Variants in KCTD14 observed in about 807,000 individuals in gnomAD.
KCTD14 encodes the protein BTB/POZ domain-containing protein KCTD14.
KCTD14 carries 7 observed loss-of-function variants against 5.9 expected under a neutral mutation model. The ratio of observed to expected loss-of-function variants is 1.19; its 90% confidence interval spans 0.68 to 2.23. The LOEUF is 2.23. Among genes scored for constraint, KCTD14 ranks in the 30% most tolerant of loss-of-function variants. KCTD14 has a pLI of 0.00. For missense variants in KCTD14, 342 were observed against 332.2 expected (o/e 1.03, Z -0.23); for synonymous variants, 140 against 133.1 (o/e 1.05, Z -0.36).
chr11:78,030,174 C>T (rs1005274774), intron 2 of KCTD14, among the ~76,000 whole-genome samples: 4 of 152,084 alleles, frequency 2.6e-5, no homozygotes, highest in African/African-American at 9.7e-5. Flanking sequence ...TTTTTCCCCC[C>T]CTCCAATTGC....
chr11:78,034,519 T>G (rs1857732328), intron 2 of KCTD14, among the ~76,000 whole-genome samples: 2 of 151,804 alleles, frequency 1.3e-5, no homozygotes, highest in South Asian at 2.1e-4. Context: ...ACACTCTGTA[T>G]GGGTGTTTCT....
upstream of KCTD14, among the ~76,000 whole-genome samples, chr11:78,028,050 C>G: frequency 6.6e-6 from 1 of 151,986 alleles, no homozygotes; most frequent in Non-Finnish European, 1.5e-5. Context: ...TTTGGAATGC[C>G]CTTGGCCAGA....
chr11:78,024,396 AAAT>A (rs1182670565), upstream of KCTD14, among the ~76,000 whole-genome samples: 14 of 99,918 alleles, frequency 1.4e-4, no homozygotes, highest in South Asian at 1.0e-3. Context: ...AAAAAAAAAA[AAAT>A]ATATATATAT....
At chr11:78,021,398 C>A (rs1198856410) in intron 1 of KCTD14, among the ~76,000 whole-genome samples, 1 of 146,706 alleles carries the variant, frequency 6.8e-6, no homozygotes, top group Non-Finnish European at 1.5e-5. Flanking sequence ...TCCTAAGCTT[C>A]TTTTTGTTTT....
At chr11:78,024,788 A>T (rs1277904798), upstream of KCTD14, among the ~76,000 whole-genome samples, 6 of 151,626 alleles carry the variant, frequency 4.0e-5, no homozygotes, top group Admixed American at 1.3e-4. Flanking sequence ...TCTACAAAAT[A>T]CAAAAAATTA....
Position 78,016,908 on chromosome 11 carries a change from G to A in KCTD14, c.453C>T (p.Leu151=), listed in dbSNP as rs1857180483. Residue 151 remains leucine, a synonymous_variant, in exon 2 of 2, where the codon CTC becomes CTT. Transcript: ENST00000353172. ...CTTCTGCACGTGCCAGGCGCACCATGAGCTCCAGGTTCTCGCTGTAGCCCG... is the reference window on the plus strand; with the variant it reads ...CTTCTGCACGTGCCAGGCGCACCATAAGCTCCAGGTTCTCGCTGTAGCCCG... ...QVPGYSENLE[L]MVRLARAEAI... is the part of the protein sequence containing the mutation. 3 of 1,614,202 alleles carry A rather than the reference G, an allele frequency of 1.9e-6. No individual in the cohort carries two copies. Among genetic ancestry groups the A allele is most frequent in the Non-Finnish European group, 2.5e-6 (3 of 1,180,024 alleles).
chr11:78,041,492 G>C (rs1857991736), intron 1 of KCTD14, among the ~76,000 whole-genome samples: 1 of 152,214 alleles, frequency 6.6e-6, no homozygotes, highest in Non-Finnish European at 1.5e-5. Flanking sequence ...AGGAGGTAAA[G>C]AAATAGCCAA....
intron 2 of KCTD14, among the ~76,000 whole-genome samples, chr11:78,034,160 C>T (rs1377124979): frequency 1.3e-5 from 2 of 151,958 alleles, no homozygotes; most frequent in African/African-American, 2.4e-5. Flanking sequence ...CACTCTGTCA[C>T]CCAGGCTGGA....
At position 78,017,231 on chromosome 11, in the gene KCTD14, G is replaced by A; in HGVS notation, c.130C>T (p.His44Tyr). 1 of 1,608,650 alleles carries A rather than the reference G, an allele frequency of 6.2e-7. No individual in the cohort carries two copies. The highest frequency in any genetic ancestry group is 8.5e-7 in the Non-Finnish European group (1 of 1,175,686). The change falls in exon 2 of 2, where the codon CAC (histidine) becomes TAC (tyrosine). Residue 44 changes from histidine (H) to tyrosine (Y), a missense_variant. Transcript: ENST00000353172. ...VVELNVGGEFHTTTLGTLRKF... is the reference protein window; with the variant it reads ...VVELNVGGEFYTTTLGTLRKF... ...CTCAGGGTACCCAGGGTGGTGGTGT[G>A]GAACTCACCCCCGACGTTCAGCTCC...
At chr11:78,026,483 C>G (rs1857470019), upstream of KCTD14, among the ~76,000 whole-genome samples, 1 of 151,998 alleles carries the variant, frequency 6.6e-6, no homozygotes, top group African/African-American at 2.4e-5. Flanking sequence ...CATCAATTGG[C>G]TAGGCATCAG....
At chr11:78,019,992 G>C (rs1233630087) in intron 1 of KCTD14, among the ~76,000 whole-genome samples, 1 of 152,142 alleles carries the variant, frequency 6.6e-6, no homozygotes, top group Non-Finnish European at 1.5e-5. Context: ...AATGTATGTT[G>C]GGCCTATTAC....
chr11:78,024,282 C>T (rs912304519), upstream of KCTD14, among the ~76,000 whole-genome samples: 31 of 151,080 alleles, frequency 2.1e-4, no homozygotes, highest in African/African-American at 7.3e-4. Context: ...ATACTGTGGA[C>T]GCTGAGGCAG....
upstream of KCTD14, among the ~76,000 whole-genome samples, chr11:78,028,045 A>T (rs1310310209): frequency 6.6e-6 from 1 of 152,070 alleles, no homozygotes; most frequent in Non-Finnish European, 1.5e-5. Flanking sequence ...TTAACTTTGG[A>T]ATGCCCTTGG....
At chr11:78,023,050 G>C (rs1857347471) in intron 1 of KCTD14, 110 bp downstream of exon 1, 1 of 724,414 alleles carries the variant, frequency 1.4e-6, no homozygotes, top group Admixed American at 2.5e-5. Flanking sequence ...CCAGAAGCAG[G>C]GGGCTCGGGC....
At chr11:78,043,886 A>G (rs1858059727) in intron 1 of KCTD14, among the ~76,000 whole-genome samples, 1 of 152,192 alleles carries the variant, frequency 6.6e-6, no homozygotes. Context: ...AAGTCTGGAA[A>G]CTAATACAAT....
At chr11:78,025,114 GTGTGTATA>G (rs1167608477), upstream of KCTD14, among the ~76,000 whole-genome samples, 129 of 66,788 alleles carry the variant, frequency 1.9e-3, no homozygotes, top group African/African-American at 4.4e-3. Flanking sequence ...GTGTGTGTGT[GTGTGTATA>G]TATATATATA....
chr11:78,025,416 G>A (rs1857440188), upstream of KCTD14, among the ~76,000 whole-genome samples: 1 of 151,930 alleles, frequency 6.6e-6, no homozygotes, highest in African/African-American at 2.4e-5. Context: ...CAGATTAAGG[G>A]TGGGCCATCC....
chr11:78,025,102 GTGTGTGTGTGTGTGTGTATATATATA>G (rs1225767049), upstream of KCTD14, among the ~76,000 whole-genome samples: 2 of 63,440 alleles, frequency 3.2e-5, no homozygotes, highest in East Asian at 5.9e-4. Flanking sequence ...GTGTGTGTGT[GTGTGTGTGTGTGTGTGTATATATATA>G]TATATATATA....
chr11:78,017,008 A>G lies in KCTD14; in HGVS notation c.353T>C (p.Leu118Ser). 3 of 1,614,186 alleles carry G rather than the reference A, an allele frequency of 1.9e-6. No homozygotes were observed. The highest frequency in any genetic ancestry group is 2.5e-6 in the Non-Finnish European group (3 of 1,180,036). ...TGGCATGTCCTCCAGCAGCTTGACCAAAGGCTTGATTTCGTAGAACTGAGC... is the reference window on the plus strand; with the variant it reads ...TGGCATGTCCTCCAGCAGCTTGACCGAAGGCTTGATTTCGTAGAACTGAGC... ...REAQFYEIKPLVKLLEDMPQI... is the reference protein window; with the variant it reads ...REAQFYEIKPSVKLLEDMPQI... Residue 118 changes from leucine to serine, a missense_variant, in exon 2 of 2, where the codon TTG becomes TCG. Physicochemically the swap from Leu to Ser is moderately radical, Grantham distance 145. Coordinates refer to ENST00000353172, the MANE Select transcript of KCTD14 (RefSeq NM_023930.4).
Sources: allele counts gnomAD v4.1 joint callset (sites outside exome capture counted in the v4.1 genomes callset), GRCh38; gene constraint gnomAD v4.1.1; transcripts MANE v1.5; gene names NCBI Gene and HGNC (gene_info 2026-07-23, HGNC 2026-07-21).